Variants in ERBB4 observed in about 807,000 individuals in gnomAD.
ERBB4 encodes the protein receptor tyrosine-protein kinase erbB-4.
A neutral mutation model predicts 158.0 loss-of-function variants in ERBB4; 42 were observed. The ratio of observed to expected loss-of-function variants is 0.27; its 90% CI spans 0.21 to 0.34. The LOEUF is 0.34. ERBB4 is among the 10% of genes least tolerant of loss of function. The pLI, the probability that ERBB4 is intolerant of heterozygous loss-of-function variation, is 1.00. For synonymous variants in ERBB4, 583 were observed against 558.7 expected, an observed-to-expected ratio of 1.04 and a Z score of -0.61; for missense variants, 1,333 against 1,624.1, an observed-to-expected ratio of 0.82 and a Z score of 3.08.
intron 1 of ERBB4, among the ~76,000 whole-genome samples, chr2:212,476,447 G>A (rs1288000957): frequency 6.6e-6 from 1 of 152,078 alleles, no homozygotes; most frequent in Non-Finnish European, 1.5e-5. Context: ...ATATCCTGAT[G>A]TCAAAATATT....
At chr2:211,879,136 A>G (rs1031353880) in intron 3 of ERBB4, among the ~76,000 whole-genome samples, 1 of 152,270 alleles carries the variant, frequency 6.6e-6, no homozygotes, top group African/African-American at 2.4e-5. Context: ...CTTTTCCCCT[A>G]GAATTCACAC....
intron 20 of ERBB4, among the ~76,000 whole-genome samples, chr2:211,471,552 T>C (rs1167848909): frequency 6.6e-6 from 1 of 152,062 alleles, no homozygotes; most frequent in Non-Finnish European, 1.5e-5. Context: ...TTCTGAAAAA[T>C]ATAGATATTG....
At position 211,472,333 on chromosome 2, in the gene ERBB4, A is replaced by G. The variant is rs1337613054; in HGVS notation, c.2488-41233T>C. Among the ~76,000 whole-genome samples, 2 of 149,228 alleles carry G rather than the reference A, an allele frequency of 1.3e-5. 1 individual carries two copies. The highest frequency in any genetic ancestry group is 3.0e-5 in the Non-Finnish European group (2 of 67,466). ...CTTATTATATTAAATATAATATTTA[A>G]TAATATTGATATGATAAAAGTCAAA... On this transcript the variant is annotated intron_variant, in intron 20 of 27. Transcript: ENST00000342788.
At chr2:212,047,616 G>A (rs977436090) in intron 2 of ERBB4, among the ~76,000 whole-genome samples, 2 of 151,222 alleles carry the variant, frequency 1.3e-5, no homozygotes, top group African/African-American at 2.4e-5. Flanking sequence ...GGGACTACAG[G>A]TACCCACCAC....
intron 20 of ERBB4, among the ~76,000 whole-genome samples, chr2:211,486,200 G>A (rs886793688): frequency 7.9e-5 from 12 of 152,098 alleles, no homozygotes; most frequent in African/African-American, 2.9e-4. Flanking sequence ...AAGGTAAAGA[G>A]TACCTTGCTT....
At chr2:212,496,454 A>G (rs1051793500) in intron 1 of ERBB4, among the ~76,000 whole-genome samples, 3 of 152,206 alleles carry the variant, frequency 2.0e-5, no homozygotes, top group Non-Finnish European at 4.4e-5. Context: ...AAAGTATTAA[A>G]AAAGTAGACT....
At chr2:212,204,554 C>T (rs1472401967) in intron 1 of ERBB4, among the ~76,000 whole-genome samples, 2 of 151,602 alleles carry the variant, frequency 1.3e-5, no homozygotes, top group African/African-American at 2.4e-5. Flanking sequence ...AAAAATTAGC[C>T]GGCTTCATGG....
intron 25 of ERBB4, among the ~76,000 whole-genome samples, chr2:211,407,971 C>A (rs932235840): frequency 2.0e-5 from 3 of 152,264 alleles, no homozygotes; most frequent in Non-Finnish European, 2.9e-5. Context: ...TCTCAAAATG[C>A]CATCAGTCCT....
intron 19 of ERBB4, among the ~76,000 whole-genome samples, chr2:211,565,299 A>G (rs1332511671): frequency 2.1e-5 from 3 of 144,902 alleles, no homozygotes; most frequent in African/African-American, 8.1e-5. Flanking sequence ...GGAAGATGGG[A>G]CAGAGTATGC....
At chr2:211,525,280 C>T (rs907950856) in intron 20 of ERBB4, among the ~76,000 whole-genome samples, 1 of 152,098 alleles carries the variant, frequency 6.6e-6, no homozygotes, top group Non-Finnish European at 1.5e-5. Context: ...CATAATAGAC[C>T]ACTTCCTTCC....
chr2:212,219,177 C>T (rs1289558979), intron 1 of ERBB4, among the ~76,000 whole-genome samples: 1 of 151,028 alleles, frequency 6.6e-6, no homozygotes, highest in African/African-American at 2.4e-5. Context: ...AGAATGAGAC[C>T]CAAAGAAGTT....
chr2:211,765,518 G>GAAA, intron 4 of ERBB4, among the ~76,000 whole-genome samples: 1 of 152,154 alleles, frequency 6.6e-6, no homozygotes, highest in African/African-American at 2.4e-5. Flanking sequence ...TGAGCCCATT[G>GAAA]TATATACTAA....
At chr2:211,897,438 T>C (rs573754225) in intron 3 of ERBB4, among the ~76,000 whole-genome samples, 27 of 143,724 alleles carry the variant, frequency 1.9e-4, no homozygotes, top group African/African-American at 6.6e-4. Context: ...AAGTATAATT[T>C]GCAAAAAAAA....
rs186430572 is a variant in ERBB4 at position 211,881,175 on chromosome 2, T to C, written c.421+66255A>G. 2.0e-5 allele frequency among the ~76,000 whole-genome samples: 3 copies of C among 151,954 alleles called. No individual in the cohort carries two copies. The East Asian group carries it at 5.8e-4, about 29-fold the overall frequency. Reference sequence around the variant, plus strand: ...GTTACAATCCTAAAAACAAAGCACATAAAAGCAATGGCTACCAAGAAGTAG... The same window carrying C: ...GTTACAATCCTAAAAACAAAGCACACAAAAGCAATGGCTACCAAGAAGTAG... On this transcript the variant is annotated intron_variant, in intron 3 of 27. Coordinates refer to ENST00000342788, the MANE Select transcript of ERBB4 (RefSeq NM_005235.3).
intron 1 of ERBB4, among the ~76,000 whole-genome samples, chr2:212,274,273 T>C (rs1418699116): frequency 1.3e-5 from 2 of 151,848 alleles, no homozygotes; most frequent in Non-Finnish European, 2.9e-5. Context: ...GACATTTCTC[T>C]CCTTCTTGGG....
At chr2:211,961,121 G>A (rs1341676866) in intron 2 of ERBB4, among the ~76,000 whole-genome samples, 1 of 151,906 alleles carries the variant, frequency 6.6e-6, no homozygotes, top group Non-Finnish European at 1.5e-5. Flanking sequence ...TGAATTAATG[G>A]TTCTAGATAT....
At chr2:212,072,193 C>T (rs1032045607) in intron 2 of ERBB4, among the ~76,000 whole-genome samples, 17 of 151,922 alleles carry the variant, frequency 1.1e-4, no homozygotes, top group African/African-American at 3.9e-4. Flanking sequence ...TAGTCTAACT[C>T]TACTAAACTT....
chr2:211,708,928 G>C (rs1479349949), intron 9 of ERBB4, among the ~76,000 whole-genome samples: 2 of 152,028 alleles, frequency 1.3e-5, no homozygotes, highest in South Asian at 4.1e-4. Flanking sequence ...AATTATCCAA[G>C]AAGAAATCCT....
At chr2:211,481,294 C>T (rs981902296) in intron 20 of ERBB4, among the ~76,000 whole-genome samples, 5 of 152,132 alleles carry the variant, frequency 3.3e-5, no homozygotes, top group Non-Finnish European at 7.4e-5. Flanking sequence ...TGTGAACACA[C>T]ATGTTTGAAT....
Sources: gnomAD v4.1 joint callset for allele counts (sites outside exome capture counted in the v4.1 genomes callset) on GRCh38, gnomAD v4.1.1 for gene constraint, MANE v1.5 for transcripts, NCBI Gene and HGNC (gene_info 2026-07-23, HGNC 2026-07-21) for gene names.